The following MAP7 variants were observed in gnomAD, a reference collection of about 807,000 sequenced individuals.
MAP7 encodes the protein ensconsin.
In MAP7, 52 loss-of-function variants were observed where a neutral mutation model predicts 94.8. The observed-to-expected ratio is 0.55, with a 90% CI of 0.44 to 0.69. MAP7 has a LOEUF of 0.69. Among genes scored for constraint, MAP7 ranks in the 30% least tolerant of loss-of-function variants. MAP7 has a pLI of 0.00. For synonymous variants in MAP7, 350 were observed against 357.0 expected (o/e 0.98, Z 0.22); for missense variants, 940 against 964.6 (o/e 0.97, Z 0.34).
At chr6:136,406,017 A>C (rs1484102199) in intron 3 of MAP7, among the ~76,000 whole-genome samples, 1 of 152,186 alleles carries the variant, frequency 6.6e-6, no homozygotes, top group Non-Finnish European at 1.5e-5. Flanking sequence ...CTACGCTTTA[A>C]ATATTATTGA....
intron 1 of MAP7, among the ~76,000 whole-genome samples, chr6:136,513,504 C>T (rs139032276): frequency 1.3e-5 from 2 of 152,354 alleles, no homozygotes; most frequent in African/African-American, 2.4e-5. Flanking sequence ...TTCTAGTTCT[C>T]TTGCCATTTC....
Position 136,353,770 on chromosome 6 carries a change from C to T in MAP7, c.2015+2922G>A, listed in dbSNP as rs151065844. Among the ~76,000 whole-genome samples, 3 of 152,166 alleles carry T rather than the reference C, an allele frequency of 2.0e-5. No individual in the cohort carries two copies. The East Asian group carries it at 5.8e-4, about 29-fold the overall frequency. On this transcript the variant is annotated intron_variant, in intron 16 of 17. Coordinates refer to ENST00000354570, the MANE Select transcript of MAP7 (RefSeq NM_003980.6). ...GTTTCACCATGTTCCCCAGGCTAGT[C>T]TTAAACTCCTGAACTCAAGTGATCT...
chr6:136,436,381 A>AT lies in MAP7; in HGVS notation c.68-14583dup, dbSNP rs67758451. Among the ~76,000 whole-genome samples, 474 of 144,370 alleles carry AT rather than the reference A, an allele frequency of 3.3e-3. 1 individual carries two copies. Among genetic ancestry groups the AT allele is most frequent in the Middle Eastern group, 7.4e-3 (2 of 270 alleles). 94.7% of individuals were successfully genotyped at this position (144,370 alleles called of 152,430 possible). A position where few individuals can be genotyped will look rare whatever the true frequency, so the allele number is the denominator to read the frequency against. The stretch of plus-strand genomic sequence containing the variant: ...TATTTTTTAAATATTCTAAAAGATG[A>AT]TTTTTTTTTTTTTTTAAAGATGGGG... On this transcript the variant is annotated intron_variant, in intron 1 of 17. Coordinates refer to ENST00000354570, the MANE Select transcript of MAP7 (RefSeq NM_003980.6).
intron 3 of MAP7, among the ~76,000 whole-genome samples, chr6:136,393,081 A>G (rs2128675646): frequency 1.3e-5 from 2 of 152,312 alleles, no homozygotes; most frequent in Non-Finnish European, 2.9e-5. Context: ...TGACTTATTA[A>G]TACGTGGCTC....
intron 3 of MAP7, among the ~76,000 whole-genome samples, chr6:136,402,520 G>T (rs1053396522): frequency 6.6e-6 from 1 of 152,186 alleles, no homozygotes; most frequent in Admixed American, 6.5e-5. Flanking sequence ...GCACACAGTG[G>T]TGGGCTAATG....
At chr6:136,500,295 G>A (rs747813433) in intron 1 of MAP7, among the ~76,000 whole-genome samples, 11 of 152,132 alleles carry the variant, frequency 7.2e-5, no homozygotes, top group Admixed American at 1.3e-4. Context: ...TACAGTTTTC[G>A]TTGGCATCCC....
intron 1 of MAP7, among the ~76,000 whole-genome samples, chr6:136,438,128 G>A (rs1463291401): frequency 6.6e-6 from 1 of 152,156 alleles, no homozygotes; most frequent in African/African-American, 2.4e-5. Context: ...TAAAATAGGA[G>A]AAGCACAGAC....
At position 136,372,522 on chromosome 6, in the gene MAP7, C is replaced by T; in HGVS notation, c.855G>A (p.Arg285=). The T allele has an allele frequency of 6.2e-7, 1 of 1,614,142 alleles. No individual in the cohort carries two copies. The highest frequency in any genetic ancestry group is 8.5e-7 in the Non-Finnish European group (1 of 1,180,024). ...FVTPPEGSSR[R]RIIHGTASYK... is the part of the protein sequence containing the mutation. ...TCACCGCTGTGCCATGAATGATCCTCCTGCGAGAAGAGCCCTCAGGTGGTG... is the reference window on the plus strand; with the variant it reads ...TCACCGCTGTGCCATGAATGATCCTTCTGCGAGAAGAGCCCTCAGGTGGTG... Residue 285 remains arginine (R), a synonymous_variant, in exon 8 of 18, where the codon AGG becomes AGA. Coordinates refer to ENST00000354570, the MANE Select transcript of MAP7 (RefSeq NM_003980.6).
intron 1 of MAP7, among the ~76,000 whole-genome samples, chr6:136,501,986 A>G (rs1315201355): frequency 6.6e-6 from 1 of 152,212 alleles, no homozygotes; most frequent in African/African-American, 2.4e-5. Context: ...TCACAGAGGT[A>G]GTAGTATTTG....
intron 1 of MAP7, among the ~76,000 whole-genome samples, chr6:136,546,589 C>T (rs1029972050): frequency 5.3e-5 from 8 of 152,096 alleles, no homozygotes; most frequent in East Asian, 1.9e-4. Context: ...TGACCACAGC[C>T]GGAAGTGATT....
intron 1 of MAP7, among the ~76,000 whole-genome samples, chr6:136,538,547 A>G (rs896179623): frequency 6.6e-6 from 1 of 152,070 alleles, no homozygotes; most frequent in African/African-American, 2.4e-5. Context: ...GCACTTTGGG[A>G]GGCCGAGGCA....
At chr6:136,528,824 A>G (rs892988390) in intron 1 of MAP7, among the ~76,000 whole-genome samples, 2 of 152,120 alleles carry the variant, frequency 1.3e-5, no homozygotes, top group Non-Finnish European at 2.9e-5. Context: ...ACAGCACAAG[A>G]TCAAATAATA....
At chr6:136,435,530 T>G (rs1316098490) in intron 1 of MAP7, among the ~76,000 whole-genome samples, 1 of 152,244 alleles carries the variant, frequency 6.6e-6, no homozygotes, top group Non-Finnish European at 1.5e-5. Context: ...TCTAAGTAAG[T>G]GACATGGCAA....
intron 1 of MAP7, among the ~76,000 whole-genome samples, chr6:136,463,878 G>A (rs1416820000): frequency 6.6e-6 from 1 of 152,180 alleles, no homozygotes; most frequent in East Asian, 1.9e-4. Flanking sequence ...ATGTAAGTTT[G>A]AGAACAGCTA....
At chr6:136,414,045 C>G (rs1489217833) in intron 2 of MAP7, among the ~76,000 whole-genome samples, 3 of 151,314 alleles carry the variant, frequency 2.0e-5, no homozygotes, top group African/African-American at 7.3e-5. Context: ...GTCAGGAGAT[C>G]GAGACCATCC....
At chr6:136,425,124 G>A (rs546590622) in intron 1 of MAP7, among the ~76,000 whole-genome samples, 1 of 152,268 alleles carries the variant, frequency 6.6e-6, no homozygotes, top group African/African-American at 2.4e-5. Flanking sequence ...ACTGGACAAA[G>A]GAATGATTCA....
At chr6:136,389,151 A>C (rs986418182) in intron 4 of MAP7, among the ~76,000 whole-genome samples, 2 of 152,128 alleles carry the variant, frequency 1.3e-5, no homozygotes, top group African/African-American at 2.4e-5. Flanking sequence ...TGGGCTTTTA[A>C]ACTTTCTGTG....
intron 3 of MAP7, among the ~76,000 whole-genome samples, chr6:136,395,229 T>C (rs2128687437): frequency 6.6e-6 from 1 of 151,756 alleles, no homozygotes. Flanking sequence ...CATCAGTACC[T>C]GCTATTTTTT....
intron 16 of MAP7, among the ~76,000 whole-genome samples, chr6:136,348,604 G>T (rs1187249583): frequency 6.6e-6 from 1 of 152,194 alleles, no homozygotes; most frequent in African/African-American, 2.4e-5. Context: ...ACAGGCAGGG[G>T]TTGGGACCTT....
Sources: allele counts gnomAD v4.1 joint callset (sites outside exome capture counted in the v4.1 genomes callset), GRCh38; gene constraint gnomAD v4.1.1; transcripts MANE v1.5; gene names NCBI Gene and HGNC (gene_info 2026-07-23, HGNC 2026-07-21).